CELF4: variants seen among roughly 807,000 people sequenced by gnomAD.
CELF4 encodes CUG-BP- and ETR-3-like factor 4.
CELF4 carries 18 observed loss-of-function variants against 59.9 expected under a neutral mutation model. That is an observed-to-expected ratio of 0.30 (90% CI 0.21 to 0.45). The LOEUF is 0.45. CELF4 is among the 20% of genes least tolerant of loss of function. CELF4 has a pLI of 1.00. For synonymous variants in CELF4, 261 were observed against 267.1 expected, an observed-to-expected ratio of 0.98 and a Z score of 0.22; for missense variants, 456 against 689.0, an observed-to-expected ratio of 0.66 and a Z score of 3.79.
chr18:37,414,794 G>T (rs1043865566), intron 2 of CELF4, among the ~76,000 whole-genome samples: 7 of 151,624 alleles, frequency 4.6e-5, no homozygotes, highest in African/African-American at 1.5e-4. Context: ...ACAAAGCCCG[G>T]CCCTAATTCA....
chr18:37,379,507 C>CAAAAGA (rs2099011569), intron 2 of CELF4, among the ~76,000 whole-genome samples: 1 of 45,706 alleles, frequency 2.2e-5, no homozygotes. Flanking sequence ...AGGCCATAAG[C>CAAAAGA]AAAAAAAAAA....
chr18:37,511,354 TC>T (rs1310176744), intron 1 of CELF4, among the ~76,000 whole-genome samples: 5 of 152,022 alleles, frequency 3.3e-5, no homozygotes, highest in African/African-American at 1.2e-4. Flanking sequence ...CGGTTGGGTC[TC>T]CCCGCGTCCG....
chr18:37,407,776 C>T (rs538608584), intron 2 of CELF4, among the ~76,000 whole-genome samples: 7 of 152,208 alleles, frequency 4.6e-5, no homozygotes, highest in Admixed American at 4.6e-4. Flanking sequence ...TGCCTTCTGT[C>T]TGCTCTCCAG....
intron 2 of CELF4, among the ~76,000 whole-genome samples, chr18:37,347,460 C>G (rs2098303359): frequency 6.6e-6 from 1 of 152,156 alleles, no homozygotes; most frequent in Non-Finnish European, 1.5e-5. Context: ...GTGCCTGAGT[C>G]TGCTTTTATT....
intron 1 of CELF4, among the ~76,000 whole-genome samples, chr18:37,557,517 T>C (rs888750503): frequency 3.9e-5 from 6 of 152,216 alleles, no homozygotes; most frequent in Admixed American, 2.6e-4. Context: ...AGCTGTGGAA[T>C]AGTCTAATAC....
chr18:37,535,042 C>A (rs1053649491), intron 1 of CELF4, among the ~76,000 whole-genome samples: 1 of 152,202 alleles, frequency 6.6e-6, no homozygotes, highest in Non-Finnish European at 1.5e-5. Context: ...CTCATTTCCT[C>A]ACCCTTGAAG....
In CELF4 at chr18:37,564,932, A is replaced by G. The variant is rs1367189156; in HGVS notation, c.286+424T>C. Among the ~76,000 whole-genome samples, 13 of 151,792 alleles carry G rather than the reference A, an allele frequency of 8.6e-5. 1 individual carries two copies. The highest frequency in any genetic ancestry group is 8.5e-4 in the Admixed American group (13 of 15,260). On this transcript the variant is annotated intron_variant, in intron 1 of 12. Coordinates refer to ENST00000420428, the MANE Select transcript of CELF4 (RefSeq NM_020180.4). The stretch of plus-strand genomic sequence containing the variant: ...GGATGAGGAGACCACCTCCTTTAGT[A>G]TTTTCAGCACCACGGCGATGGACAG...
intron 2 of CELF4, among the ~76,000 whole-genome samples, chr18:37,325,380 A>G (rs552918472): frequency 2.0e-5 from 3 of 152,322 alleles, no homozygotes; most frequent in African/African-American, 7.2e-5. Flanking sequence ...TCGCCTGGCC[A>G]GGATAGAGCT....
chr18:37,336,723 G>C (rs1354365171), intron 2 of CELF4, among the ~76,000 whole-genome samples: 1 of 152,200 alleles, frequency 6.6e-6, no homozygotes, highest in Non-Finnish European at 1.5e-5. Context: ...CTCCTTAAAG[G>C]TTAATTAAGA....
intron 2 of CELF4, among the ~76,000 whole-genome samples, chr18:37,428,576 T>C (rs1277654990): frequency 6.6e-6 from 1 of 152,206 alleles, no homozygotes; most frequent in Non-Finnish European, 1.5e-5. Flanking sequence ...GTACAGCTAA[T>C]GGGACACAAA....
intron 1 of CELF4, among the ~76,000 whole-genome samples, chr18:37,494,137 A>G (rs2154603593): frequency 6.6e-6 from 1 of 152,356 alleles, no homozygotes; most frequent in Non-Finnish European, 1.5e-5. Context: ...AGAGGGTTAA[A>G]GAACCAGCCA....
At chr18:37,418,503 C>T (rs1236384227) in intron 2 of CELF4, among the ~76,000 whole-genome samples, 1 of 152,192 alleles carries the variant, frequency 6.6e-6, no homozygotes, top group African/African-American at 2.4e-5. Context: ...CTTTCAATGT[C>T]ATAGCATTTT....
At position 37,485,779 on chromosome 18, in the gene CELF4, C is replaced by T. The variant is rs999167425; in HGVS notation, c.287-172G>A. Reference sequence around the variant, plus strand: ...GGAGCTTCTCTGCCTCTCGGTGTTCCCGGCTGTCTGCCTCTCGTACCTCCC... The same window carrying T: ...GGAGCTTCTCTGCCTCTCGGTGTTCTCGGCTGTCTGCCTCTCGTACCTCCC... On this transcript the variant is annotated intron_variant, in intron 1 of 12. Coordinates refer to ENST00000420428, the MANE Select transcript of CELF4 (RefSeq NM_020180.4). 5 of 392,240 alleles carry T rather than the reference C, an allele frequency of 1.3e-5. No homozygotes were observed. The East Asian group carries it at 1.8e-4, about 14-fold the overall frequency. The allele number at this position is 392,240 out of a possible 1,614,324, so 24.3% of individuals were successfully genotyped here. A position where few individuals can be genotyped will look rare whatever the true frequency, so the allele number is the denominator to read the frequency against.
intron 3 of CELF4, among the ~76,000 whole-genome samples, chr18:37,297,677 C>T (rs2095738883): frequency 6.6e-6 from 1 of 152,254 alleles, no homozygotes; most frequent in Admixed American, 6.5e-5. Flanking sequence ...CAGAAGTTCC[C>T]TCATGACCCT....
chr18:37,314,686 C>T (rs1443296328), intron 3 of CELF4, among the ~76,000 whole-genome samples: 3 of 152,166 alleles, frequency 2.0e-5, no homozygotes, highest in African/African-American at 7.2e-5. Context: ...GCTGGTGCCC[C>T]AGGCTGCTCC....
intron 2 of CELF4, among the ~76,000 whole-genome samples, chr18:37,365,732 C>A (rs937081369): frequency 1.3e-5 from 2 of 152,178 alleles, no homozygotes; most frequent in South Asian, 2.1e-4. Flanking sequence ...GTGATCCGCC[C>A]GCCTTGGCCT....
At chr18:37,271,254 CTTTTTTTT>C (rs34833771) in intron 7 of CELF4, among the ~76,000 whole-genome samples, 4 of 105,558 alleles carry the variant, frequency 3.8e-5, no homozygotes, top group East Asian at 2.7e-4. Context: ...TCCTTCAGTC[CTTTTTTTT>C]TTTTTTTTTT....
At chr18:37,306,225 G>A (rs1462675093) in intron 3 of CELF4, 2 of 152,268 alleles carry the variant, frequency 1.3e-5, no homozygotes, top group East Asian at 1.9e-4. Context: ...TGACTGTCAA[G>A]CCCTGGGGCA....
At chr18:37,325,721 C>T (rs2154526605) in intron 2 of CELF4, among the ~76,000 whole-genome samples, 1 of 152,356 alleles carries the variant, frequency 6.6e-6, no homozygotes, top group African/African-American at 2.4e-5. Flanking sequence ...TCCCAGCTGC[C>T]TTCAGCCATG....
Sources: allele counts gnomAD v4.1 joint callset (sites outside exome capture counted in the v4.1 genomes callset), GRCh38; gene constraint gnomAD v4.1.1; transcripts MANE v1.5; gene names NCBI Gene and HGNC (gene_info 2026-07-23, HGNC 2026-07-21).